The following ABHD2 variants were observed in gnomAD, a reference collection of about 807,000 sequenced individuals.
ABHD2 encodes abhydrolase domain containing 2, acylglycerol lipase.
In ABHD2, 20 loss-of-function variants were observed where a neutral mutation model predicts 48.1. That is an observed-to-expected ratio of 0.42 (90% CI 0.29 to 0.60). ABHD2 has a LOEUF of 0.60. Among genes scored for constraint, ABHD2 ranks in the 20% least tolerant of loss-of-function variants. The pLI, the probability that ABHD2 is intolerant of heterozygous loss-of-function variation, is 0.24. For missense variants in ABHD2, 405 were observed against 550.9 expected (o/e 0.74, Z 2.65); for synonymous variants, 209 against 214.2 (o/e 0.98, Z 0.21).
chr15:89,098,110 G>C (rs1596060549), intron 1 of ABHD2, among the ~76,000 whole-genome samples: 1 of 151,970 alleles, frequency 6.6e-6, no homozygotes, highest in African/African-American at 2.4e-5. Flanking sequence ...AAATTCCTGA[G>C]CTCAAGTGAT....
the ABHD2 span, among the ~76,000 whole-genome samples, chr15:89,080,913 C>A: frequency 7.3e-5 from 11 of 151,610 alleles, no homozygotes; most frequent in African/African-American, 2.4e-4. Context: ...AGTATTTGTC[C>A]TCTTGTGATT....
At chr15:89,066,776 A>G in the ABHD2 span, among the ~76,000 whole-genome samples, 1 of 152,138 alleles carries the variant, frequency 6.6e-6, no homozygotes, top group African/African-American at 2.4e-5. Flanking sequence ...AGGCCAAGAG[A>G]GCCACGGGCC....
intron 3 of ABHD2, chr15:89,136,444 A>G (rs2050313860): frequency 2.1e-5 from 10 of 478,702 alleles, no homozygotes; most frequent in Non-Finnish European, 3.7e-5. Flanking sequence ...TGCACAAAAA[A>G]TGCATATGAT....
Position 89,201,616 on chromosome 15 carries a change from G to T in ABHD2, c.*6193G>T. 1 of 1,591,946 alleles carries T rather than the reference G, an allele frequency of 6.3e-7. No individual in the cohort carries two copies. The highest frequency in any genetic ancestry group is 8.6e-7 in the Non-Finnish European group (1 of 1,159,874). On this transcript the variant is annotated 3_prime_UTR_variant, in exon 11 of 11. Coordinates refer to ENST00000352732, the MANE Select transcript of ABHD2 (RefSeq NM_152924.5). ...CCTGGGTCAATAATTCCACTGTTGG[G>T]CCTCACACAGTACCGGTGAGGCACG...
At position 89,195,197 on chromosome 15, in the gene ABHD2, GTAAC is replaced by G. The variant is rs1224398995; in HGVS notation, c.1082-28_1082-25del. The G allele has an allele frequency of 6.2e-7, 1 of 1,601,858 alleles. No individual in the cohort carries two copies. The highest frequency in any genetic ancestry group is 1.7e-5 in the Admixed American group (1 of 59,274). On this transcript the variant is annotated intron_variant, in intron 10 of 10. Transcript: ENST00000352732. The surrounding 1 kb of genome is among the most constrained non-coding windows in gnomAD (Gnocchi z 5.1). ...CTGTCCTGGAGCAAACTAGAGAACAGTAACTCACTCAGCTGCGTTTCCCCTGCAG... is the reference window on the plus strand; with the variant it reads ...CTGTCCTGGAGCAAACTAGAGAACAGTCACTCAGCTGCGTTTCCCCTGCAG...
At chr15:89,170,563 C>T (rs79957007) in intron 5 of ABHD2, among the ~76,000 whole-genome samples, 8,212 of 152,106 alleles carry the variant, frequency 0.054, 766 homozygotes, top group African/African-American at 0.19. Context: ...TCCCCAAAGG[C>T]AGAATTACTA....
At chr15:89,046,435 T>G in the ABHD2 span, among the ~76,000 whole-genome samples, 2 of 152,002 alleles carry the variant, frequency 1.3e-5, no homozygotes, top group Non-Finnish European at 2.9e-5. Flanking sequence ...GAGGATTCCC[T>G]CTTTTTCTAT....
rs1455216393 is a variant in ABHD2 at position 89,092,922 on chromosome 15, A to C, written c.-107+4359A>C. ...GCTGGAGATCTTAAAGATCTTGTGA[A>C]TATTTGGAGGCAAATATTTTTCTTT... On this transcript the variant is annotated intron_variant, in intron 1 of 10. Coordinates refer to ENST00000352732, the MANE Select transcript of ABHD2 (RefSeq NM_152924.5). This position sits in a 1 kb window ranked among gnomAD's most constrained non-coding sequence, Gnocchi z 4.4. Among the ~76,000 whole-genome samples, 2 of 152,224 alleles carry C rather than the reference A, an allele frequency of 1.3e-5. No individual in the cohort carries two copies. Among genetic ancestry groups the C allele is most frequent in the Admixed American group, 6.5e-5 (1 of 15,284 alleles).
At chr15:89,152,236 C>T (rs1002391825) in intron 4 of ABHD2, among the ~76,000 whole-genome samples, 2 of 152,148 alleles carry the variant, frequency 1.3e-5, no homozygotes, top group Non-Finnish European at 2.9e-5. Flanking sequence ...CCACCACGCT[C>T]GGCTAATTTT....
chr15:89,123,128 G>A (rs1485980323), intron 3 of ABHD2, among the ~76,000 whole-genome samples: 1 of 152,120 alleles, frequency 6.6e-6, no homozygotes, highest in Admixed American at 6.5e-5. Context: ...AGGGGTGAGG[G>A]GCATACCCAC....
the ABHD2 span, among the ~76,000 whole-genome samples, chr15:89,073,079 G>A: frequency 2.0e-5 from 3 of 152,152 alleles, no homozygotes; most frequent in Non-Finnish European, 4.4e-5. Flanking sequence ...TAGGCATTCT[G>A]TATTTTCATT....
At chr15:89,141,140 T>A (rs2050396239) in intron 3 of ABHD2, among the ~76,000 whole-genome samples, 1 of 151,880 alleles carries the variant, frequency 6.6e-6, no homozygotes, top group Non-Finnish European at 1.5e-5. Flanking sequence ...AGCTAATTAA[T>A]TAATTAATTA....
At chr15:89,159,573 T>C (rs1028527273) in intron 5 of ABHD2, among the ~76,000 whole-genome samples, 4 of 151,940 alleles carry the variant, frequency 2.6e-5, no homozygotes, top group Non-Finnish European at 4.4e-5. Flanking sequence ...TCATGAACAG[T>C]TGGAGTTTGT....
chr15:89,129,761 A>G (rs1380363494), intron 3 of ABHD2, among the ~76,000 whole-genome samples: 2 of 152,066 alleles, frequency 1.3e-5, no homozygotes, highest in Non-Finnish European at 2.9e-5. Flanking sequence ...TGGGTATAAT[A>G]GCACTTATTT....
At chr15:89,096,428 G>C (rs904764037) in intron 1 of ABHD2, among the ~76,000 whole-genome samples, 13 of 152,112 alleles carry the variant, frequency 8.5e-5, no homozygotes, top group Admixed American at 5.9e-4. Context: ...TTTAAGAATG[G>C]AACACAAAGT....
At chr15:89,057,881 C>T in the ABHD2 span, among the ~76,000 whole-genome samples, 1 of 152,130 alleles carries the variant, frequency 6.6e-6, no homozygotes, top group Admixed American at 6.5e-5. Context: ...TGAGTCAAAA[C>T]TTTAGTTTGC....
chr15:89,047,160 T>C, the ABHD2 span, among the ~76,000 whole-genome samples: 1 of 152,272 alleles, frequency 6.6e-6, no homozygotes, highest in East Asian at 1.9e-4. Flanking sequence ...ATGTACCCAG[T>C]AGTCATTCAA....
chr15:89,150,492 G>A (rs941467598), intron 3 of ABHD2, among the ~76,000 whole-genome samples: 3 of 152,152 alleles, frequency 2.0e-5, no homozygotes, highest in African/African-American at 7.2e-5. Context: ...CTGGCAAGTG[G>A]CTTCATGTCC....
chr15:89,065,141 T>C, the ABHD2 span, among the ~76,000 whole-genome samples: 1 of 152,102 alleles, frequency 6.6e-6, no homozygotes, highest in African/African-American at 2.4e-5. Context: ...ACTCAATGCA[T>C]CCAGTTATTT....
Sources: allele counts gnomAD v4.1 joint callset (sites outside exome capture counted in the v4.1 genomes callset), GRCh38; gene constraint gnomAD v4.1.1; non-coding constraint Gnocchi (gnomAD v3.1); transcripts MANE v1.5; gene names NCBI Gene and HGNC (gene_info 2026-07-23, HGNC 2026-07-21).